Variants in STK32B observed in about 807,000 individuals in gnomAD.
STK32B encodes the protein serine/threonine-protein kinase 32B.
STK32B carries 43 observed loss-of-function variants against 52.6 expected under a neutral mutation model. The observed-to-expected ratio is 0.82, with a 90% confidence interval of 0.64 to 1.05. STK32B has a LOEUF of 1.05. Ranked by LOEUF, STK32B falls within the 50% of genes least tolerant of loss-of-function variation. The probability of loss-of-function intolerance (pLI) is 0.00; values close to 1 mark genes in which losing one functional copy is unlikely to be tolerated. For missense variants in STK32B, 621 were observed against 534.6 expected (o/e 1.16, Z -1.59); for synonymous variants, 238 against 204.3 (o/e 1.17, Z -1.41).
intron 3 of STK32B, among the ~76,000 whole-genome samples, chr4:5,266,434 A>G (rs928439613): frequency 2.6e-5 from 4 of 152,320 alleles, no homozygotes; most frequent in South Asian, 2.1e-4. Context: ...ACAGTATACA[A>G]AGATCTTAAT....
chr4:5,292,564 C>G (rs1322180362), intron 3 of STK32B, among the ~76,000 whole-genome samples: 3 of 151,852 alleles, frequency 2.0e-5, no homozygotes, highest in African/African-American at 4.8e-5. Context: ...GCATAATTTG[C>G]AAATATTTTC....
chr4:5,196,962 T>A (rs1451422515), intron 3 of STK32B, among the ~76,000 whole-genome samples: 1 of 151,978 alleles, frequency 6.6e-6, no homozygotes, highest in Non-Finnish European at 1.5e-5. Context: ...TCCTCTCCTT[T>A]CAAATCTCTA....
intron 1 of STK32B, among the ~76,000 whole-genome samples, chr4:5,122,630 C>G (rs1715126548): frequency 6.6e-6 from 1 of 152,188 alleles, no homozygotes; most frequent in Admixed American, 6.5e-5. Flanking sequence ...CTGACTCATT[C>G]ACTCACTCAC....
At chr4:5,371,018 A>T (rs1362774882) in intron 4 of STK32B, among the ~76,000 whole-genome samples, 4 of 150,312 alleles carry the variant, frequency 2.7e-5, no homozygotes, top group Non-Finnish European at 5.9e-5. Flanking sequence ...ATATGTATAT[A>T]TATGTGTATA....
At position 5,314,304 on chromosome 4, in the gene STK32B, C is replaced by T. The variant is rs190429843; in HGVS notation, c.261-16916C>T. Among the ~76,000 whole-genome samples the T allele has an allele frequency of 1.3e-5, 2 of 152,298 alleles. 1 individual carries two copies. Among genetic ancestry groups the T allele is most frequent in the East Asian group, 3.9e-4 (2 of 5,184 alleles). ...CAATATCATGAAGGAAGGATAGCTT[C>T]TTCAACAAATAGTAATTGGACAACT... On this transcript the variant is annotated intron_variant, in intron 3 of 11. Coordinates refer to ENST00000282908, the MANE Select transcript of STK32B (RefSeq NM_018401.3).
At chr4:5,144,969 C>G (rs78598766) in intron 2 of STK32B, among the ~76,000 whole-genome samples, 1 of 152,152 alleles carries the variant, frequency 6.6e-6, no homozygotes, top group East Asian at 1.9e-4. Context: ...CAACTATAGT[C>G]CACTCTGAAA....
intron 4 of STK32B, among the ~76,000 whole-genome samples, chr4:5,339,718 G>A (rs1407664907): frequency 2.6e-5 from 4 of 152,146 alleles, no homozygotes; most frequent in Admixed American, 1.3e-4. Flanking sequence ...ATTGGGCTTA[G>A]GTGGGCTACT....
At chr4:5,407,757 A>C (rs1447446298) in intron 5 of STK32B, among the ~76,000 whole-genome samples, 2 of 152,044 alleles carry the variant, frequency 1.3e-5, no homozygotes, top group African/African-American at 4.8e-5. Flanking sequence ...CCCATAATCC[A>C]ATCACCTCCC....
chr4:5,346,524 A>AT (rs1371216135), intron 4 of STK32B, among the ~76,000 whole-genome samples: 2 of 152,170 alleles, frequency 1.3e-5, no homozygotes, highest in Non-Finnish European at 2.9e-5. Context: ...CAAAACCCAG[A>AT]TTGCATAATT....
At chr4:5,170,555 C>G (rs1345646649) in intron 3 of STK32B, among the ~76,000 whole-genome samples, 2 of 151,758 alleles carry the variant, frequency 1.3e-5, no homozygotes, top group Non-Finnish European at 2.9e-5. Flanking sequence ...TAAGAACATG[C>G]AGTGTGTGGT....
At chr4:5,290,306 T>G (rs1704335995) in intron 3 of STK32B, among the ~76,000 whole-genome samples, 1 of 149,634 alleles carries the variant, frequency 6.7e-6, no homozygotes, top group African/African-American at 2.4e-5. Flanking sequence ...TTTGACTCTT[T>G]TGTAATAACA....
intron 1 of STK32B, among the ~76,000 whole-genome samples, chr4:5,126,440 G>C (rs1423611182): frequency 6.6e-6 from 1 of 152,234 alleles, no homozygotes; most frequent in Non-Finnish European, 1.5e-5. Flanking sequence ...TCTGGGAGTT[G>C]GCTGGTTGTC....
chr4:5,291,354 G>A (rs528751934), intron 3 of STK32B, among the ~76,000 whole-genome samples: 7 of 152,116 alleles, frequency 4.6e-5, no homozygotes, highest in African/African-American at 1.4e-4. Context: ...GTAGTTTTCA[G>A]TGTAAAAGTC....
At chr4:5,447,760 A>T (rs558608499) in intron 7 of STK32B, among the ~76,000 whole-genome samples, 1 of 152,334 alleles carries the variant, frequency 6.6e-6, no homozygotes, top group East Asian at 1.9e-4. Context: ...TATAACGGGG[A>T]TAATAAGATC....
At chr4:5,408,281 T>A (rs1182346338) in intron 5 of STK32B, among the ~76,000 whole-genome samples, 2 of 152,096 alleles carry the variant, frequency 1.3e-5, no homozygotes, top group Non-Finnish European at 2.9e-5. Context: ...TGGGGCCTGG[T>A]GGGAGTTGAT....
rs959090019 is a variant in STK32B at position 5,400,904 on chromosome 4, G to T, written c.472+2660G>T. ...GGTCCCAACGCTGATGGGTTTCATGGTGTTGGGGAGAGTGTGGGGAAGCTC... is the reference window on the plus strand; with the variant it reads ...GGTCCCAACGCTGATGGGTTTCATGTTGTTGGGGAGAGTGTGGGGAAGCTC... On this transcript the variant is annotated intron_variant, in intron 5 of 11. Transcript: ENST00000282908. The surrounding 1 kb of genome is among the most constrained non-coding windows in gnomAD (Gnocchi z 6.1). Among the ~76,000 whole-genome samples the T allele has an allele frequency of 6.6e-6, 1 of 152,064 alleles. No individual in the cohort carries two copies. Among genetic ancestry groups the T allele is most frequent in the Non-Finnish European group, 1.5e-5 (1 of 68,036 alleles).
At chr4:5,159,013 GTCATC>G (rs1718095813) in intron 2 of STK32B, among the ~76,000 whole-genome samples, 1 of 152,198 alleles carries the variant, frequency 6.6e-6, no homozygotes, top group Non-Finnish European at 1.5e-5. Flanking sequence ...ACTCACCTCT[GTCATC>G]TCATCTCAGT....
chr4:5,348,851 A>C (rs1733643917), intron 4 of STK32B, among the ~76,000 whole-genome samples: 1 of 152,102 alleles, frequency 6.6e-6, no homozygotes, highest in African/African-American at 2.4e-5. Flanking sequence ...ACCTGGGGGA[A>C]TCATCATCCA....
chr4:5,056,433 T>G (rs1189020021), intron 1 of STK32B, among the ~76,000 whole-genome samples: 1 of 152,242 alleles, frequency 6.6e-6, no homozygotes, highest in South Asian at 2.1e-4. Flanking sequence ...ACATAATAGA[T>G]GCCTGGTAAT....
Sources: gnomAD v4.1 joint callset for allele counts (sites outside exome capture counted in the v4.1 genomes callset) on GRCh38, gnomAD v4.1.1 for gene constraint, Gnocchi (gnomAD v3.1) non-coding constraint, MANE v1.5 for transcripts, NCBI Gene and HGNC (gene_info 2026-07-23, HGNC 2026-07-21) for gene names.